CTNNA3: variants seen among roughly 807,000 people sequenced by gnomAD.
CTNNA3 encodes the protein catenin alpha 3.
Under a neutral mutation model 95.7 loss-of-function variants are expected in CTNNA3, and 76 were observed. The ratio of observed to expected loss-of-function variants is 0.79; its 90% confidence interval spans 0.66 to 0.96. CTNNA3 has a LOEUF of 0.96. CTNNA3 is among the 40% of genes least tolerant of loss of function. The pLI, the probability that CTNNA3 is intolerant of heterozygous loss-of-function variation, is 0.00. For synonymous variants in CTNNA3, 431 were observed against 374.4 expected (o/e 1.15, Z -1.74); for missense variants, 1,191 against 1,089.8 (o/e 1.09, Z -1.31).
At chr10:66,178,691 A>G (rs2085873261) in intron 13 of CTNNA3, among the ~76,000 whole-genome samples, 1 of 151,756 alleles carries the variant, frequency 6.6e-6, no homozygotes, top group South Asian at 2.1e-4. Flanking sequence ...AGTATCAAGA[A>G]TACATAAAGA....
At chr10:66,527,934 T>C (rs1589379485) in intron 10 of CTNNA3, among the ~76,000 whole-genome samples, 1 of 152,172 alleles carries the variant, frequency 6.6e-6, no homozygotes, top group East Asian at 1.9e-4. Flanking sequence ...ATATATAAGT[T>C]TTTTTATTCG....
At chr10:66,885,777 A>G (rs1407942899) in intron 7 of CTNNA3, among the ~76,000 whole-genome samples, 1 of 152,164 alleles carries the variant, frequency 6.6e-6, no homozygotes, top group Non-Finnish European at 1.5e-5. Flanking sequence ...GATAATAGAA[A>G]GAAAAATAAG....
chr10:66,559,557 A>G (rs1842489977), intron 10 of CTNNA3, among the ~76,000 whole-genome samples: 1 of 151,968 alleles, frequency 6.6e-6, no homozygotes, highest in South Asian at 2.1e-4. Context: ...CCCACCTCCA[A>G]TTAGCAGCTG....
At chr10:66,453,250 T>A (rs1234131298) in intron 11 of CTNNA3, among the ~76,000 whole-genome samples, 1 of 151,760 alleles carries the variant, frequency 6.6e-6, no homozygotes, top group Non-Finnish European at 1.5e-5. Context: ...AGCCTCCAAA[T>A]TTTCAGGGAG....
intron 5 of CTNNA3, among the ~76,000 whole-genome samples, chr10:67,250,675 C>A (rs1022666951): frequency 6.6e-6 from 1 of 152,058 alleles, no homozygotes; most frequent in Admixed American, 6.5e-5. Context: ...GTGGAACCAG[C>A]GCATATGGAG....
intron 3 of CTNNA3, among the ~76,000 whole-genome samples, chr10:67,566,895 G>A (rs1461166828): frequency 5.3e-5 from 8 of 151,280 alleles, no homozygotes; most frequent in Non-Finnish European, 8.9e-5. Context: ...ATTGGAAATC[G>A]TCATTCTCAG....
intron 17 of CTNNA3, among the ~76,000 whole-genome samples, chr10:65,959,650 G>A (rs967668801): frequency 3.9e-5 from 6 of 151,996 alleles, no homozygotes; most frequent in South Asian, 2.1e-4. Context: ...TCAGCTTCCC[G>A]AGTAGCTGGG....
intron 1 of CTNNA3, among the ~76,000 whole-genome samples, chr10:67,677,942 G>A (rs551478216): frequency 1.3e-5 from 2 of 152,086 alleles, no homozygotes; most frequent in Admixed American, 6.6e-5. Context: ...GAGTTGCCCC[G>A]ATGCAAATGT....
chr10:66,930,296 T>C (rs924531582), intron 7 of CTNNA3, among the ~76,000 whole-genome samples: 5 of 152,212 alleles, frequency 3.3e-5, no homozygotes, highest in Non-Finnish European at 7.3e-5. Context: ...TTGTTGAATA[T>C]ACATGTATTC....
chr10:66,018,821 A>T (rs2079144690), intron 15 of CTNNA3, among the ~76,000 whole-genome samples: 1 of 152,118 alleles, frequency 6.6e-6, no homozygotes, highest in African/African-American at 2.4e-5. Flanking sequence ...TCAATAAATG[A>T]TTCCTCAGAA....
chr10:66,976,736 C>T (rs574298060), intron 7 of CTNNA3, among the ~76,000 whole-genome samples: 1 of 152,240 alleles, frequency 6.6e-6, no homozygotes, highest in African/African-American at 2.4e-5. Flanking sequence ...GAACTTAGTG[C>T]TGTTTTCTCA....
intron 7 of CTNNA3, among the ~76,000 whole-genome samples, chr10:67,088,152 A>G (rs1379412708): frequency 6.6e-6 from 1 of 151,490 alleles, no homozygotes; most frequent in Non-Finnish European, 1.5e-5. Context: ...GAGATAAGAA[A>G]TGCTTTTCCT....
At position 66,065,239 on chromosome 10, in the gene CTNNA3, TG is replaced by T. The variant is rs1349418895; in HGVS notation, c.2159+4068del. On this transcript the variant is annotated intron_variant, in intron 15 of 17. Transcript: ENST00000433211. ...TATGTTGGTTTAAATGGTTTTTTTT[TG>T]TTTTGTTTTGTTTTGTTTTCCCTTC... Among the ~76,000 whole-genome samples, 663 of 89,396 alleles carry T rather than the reference TG, an allele frequency of 7.4e-3. 3 individuals are homozygous for T. Among genetic ancestry groups the T allele is most frequent in the African/African-American group, 0.022 (488 of 22,546 alleles). The allele number at this position is 89,396 out of a possible 152,430, so 58.6% of individuals were successfully genotyped here.
intron 17 of CTNNA3, among the ~76,000 whole-genome samples, chr10:65,943,836 T>C (rs1036277416): frequency 1.3e-5 from 2 of 151,872 alleles, no homozygotes; most frequent in African/African-American, 4.8e-5. Context: ...AAAATGGAGA[T>C]AAAAGTATCT....
At chr10:67,564,696 T>C (rs1276764847) in intron 3 of CTNNA3, among the ~76,000 whole-genome samples, 1 of 78,514 alleles carries the variant, frequency 1.3e-5, no homozygotes, top group African/African-American at 5.0e-5. Context: ...TATATATATA[T>C]ATATATATAT....
Position 66,859,752 on chromosome 10 carries a change from A to G in CTNNA3, c.1048-84228T>C, listed in dbSNP as rs1204386295. Among the ~76,000 whole-genome samples, 10 of 126,880 alleles carry G rather than the reference A, an allele frequency of 7.9e-5. No homozygotes were observed. The South Asian group carries it at 2.2e-3, about 28-fold the overall frequency. The allele number at this position is 126,880 out of a possible 152,430, so 83.2% of individuals were successfully genotyped here. Reference sequence around the variant, plus strand: ...TGCGGCACTATTCACAATAGCAAAGACTTGGAACCAACCCAAATGTCCAAC... The same window carrying G: ...TGCGGCACTATTCACAATAGCAAAGGCTTGGAACCAACCCAAATGTCCAAC... On this transcript the variant is annotated intron_variant, in intron 7 of 17. Coordinates refer to ENST00000433211, the MANE Select transcript of CTNNA3 (RefSeq NM_013266.4).
chr10:67,077,314 T>G (rs1346759028), intron 7 of CTNNA3, among the ~76,000 whole-genome samples: 1 of 152,172 alleles, frequency 6.6e-6, no homozygotes, highest in African/African-American at 2.4e-5. Context: ...CTTCATTGGC[T>G]TCCACTGGCT....
At chr10:67,339,093 G>C (rs1842090160) in intron 5 of CTNNA3, among the ~76,000 whole-genome samples, 1 of 152,138 alleles carries the variant, frequency 6.6e-6, no homozygotes, top group Admixed American at 6.5e-5. Flanking sequence ...TGGCTGAGTT[G>C]CAAAAATCCT....
At position 66,411,141 on chromosome 10, in the gene CTNNA3, T is replaced by C. The variant is rs2093101487; in HGVS notation, c.1532-31789A>G. Among the ~76,000 whole-genome samples, 5 of 152,224 alleles carry C rather than the reference T, an allele frequency of 3.3e-5. 1 individual carries two copies. The South Asian group carries it at 1.0e-3, about 32-fold the overall frequency. ...GAAAATTAAGAAAGACATGTTAATA[T>C]GCCTAAAATTATTTTTCTGGCATAA... On this transcript the variant is annotated intron_variant, in intron 11 of 17. Transcript: ENST00000433211.
Sources: gnomAD v4.1 joint callset for allele counts (sites outside exome capture counted in the v4.1 genomes callset) on GRCh38, gnomAD v4.1.1 for gene constraint, MANE v1.5 for transcripts, NCBI Gene and HGNC (gene_info 2026-07-23, HGNC 2026-07-21) for gene names.